The following PHEX variants were observed in gnomAD, a reference collection of about 807,000 sequenced individuals.
PHEX encodes the protein phosphate-regulating neutral endopeptidase PHEX.
PHEX carries 16 observed loss-of-function variants against 68.0 expected under a neutral mutation model. The ratio of observed to expected loss-of-function variants is 0.24; its 90% CI spans 0.16 to 0.36. The LOEUF (loss-of-function observed/expected upper bound fraction) is 0.36. Among genes scored for constraint, PHEX ranks in the 10% least tolerant of loss-of-function variants. The pLI, the probability that PHEX is intolerant of heterozygous loss-of-function variation, is 1.00. For missense variants in PHEX, 480 were observed against 575.5 expected (o/e 0.83, Z 1.70); for synonymous variants, 208 against 205.1 (o/e 1.01, Z -0.12).
chrX:22,088,043 T>C (rs908292876), intron 5 of PHEX, among the ~76,000 whole-genome samples: 1 of 112,075 alleles, frequency 8.9e-6, no homozygotes, highest in African/African-American at 3.2e-5. Context: ...TACCTCATGT[T>C]ATCCCTTTGC....
intron 12 of PHEX, among the ~76,000 whole-genome samples, chrX:22,137,021 A>G (rs1281302142): frequency 2.7e-5 from 3 of 111,975 alleles, no homozygotes; most frequent in Non-Finnish European, 3.8e-5. Flanking sequence ...AGGACAGGGC[A>G]TCTGTTATTT....
chrX:22,040,378 G>A (rs1927218416), intron 2 of PHEX, among the ~76,000 whole-genome samples: 1 of 111,684 alleles, frequency 9.0e-6, no homozygotes, highest in South Asian at 3.7e-4. Context: ...GTGGTGACAC[G>A]TGCCTTTAGT....
rs763522632 is a variant in PHEX at position 22,248,425 on chromosome X, T to G, written c.*472T>G. Reference sequence around the variant, plus strand: ...TGCTCTGTGGAATGCAGTGCACGTTTTTATGGACAGTAATTACACAGCATT... The same window carrying G: ...TGCTCTGTGGAATGCAGTGCACGTTGTTATGGACAGTAATTACACAGCATT... On this transcript the variant is annotated 3_prime_UTR_variant, in exon 22 of 22. Coordinates refer to ENST00000379374, the MANE Select transcript of PHEX (RefSeq NM_000444.6). 9.1e-5 allele frequency: 12 copies of G among 131,162 alleles called. No homozygotes were observed. The highest frequency in any genetic ancestry group is 2.3e-4 in the Admixed American group (3 of 12,804). 10.8% of individuals were successfully genotyped at this position (131,162 alleles called of 1,213,427 possible). A position where few individuals can be genotyped will look rare whatever the true frequency, so the allele number is the denominator to read the frequency against.
At chrX:22,229,890 A>T (rs112689150) in intron 20 of PHEX, among the ~76,000 whole-genome samples, 35,489 of 110,955 alleles carry the variant, frequency 0.32, 4,296 homozygotes, top group Middle Eastern at 0.39. Context: ...AGTTTGTTTA[A>T]GTCTTTAATC....
chrX:22,090,547 C>A, intron 6 of PHEX, 50 bp downstream of exon 6: 1 of 889,431 alleles, frequency 1.1e-6, no homozygotes, highest in Non-Finnish European at 1.7e-6. Context: ...TGCTGTCAGG[C>A]CCATTAGTTC....
rs576693446 is a variant in PHEX at position 22,151,997 on chromosome X, T to C, written c.1405-16315T>C. ...GTCTTGGCATGTTGAATATGGTTAC[T>C]AATGCAGATGTGGTCTGTGCCTTAC... is the stretch of plus-strand genomic sequence containing the variant. On this transcript the variant is annotated intron_variant, in intron 12 of 21. Transcript: ENST00000379374. Among the ~76,000 whole-genome samples the C allele has an allele frequency of 8.0e-5, 9 of 112,465 alleles. No homozygotes were observed. In the South Asian group the frequency reaches 2.6e-3, roughly 33 times the overall value.
intron 20 of PHEX, among the ~76,000 whole-genome samples, chrX:22,233,724 A>T (rs1031103687): frequency 9.0e-6 from 1 of 111,380 alleles, no homozygotes; most frequent in African/African-American, 3.3e-5. Flanking sequence ...CCTGTTTTCA[A>T]GGTTCTTAGC....
chrX:22,235,767 T>G (rs1013939762), intron 20 of PHEX, among the ~76,000 whole-genome samples: 2 of 109,097 alleles, frequency 1.8e-5, no homozygotes, highest in African/African-American at 7.1e-5. Flanking sequence ...ATAGGCATAA[T>G]CTTAATAAAT....
Position 22,143,121 on chromosome X carries a change from A to T in PHEX, c.1404+9497A>T, listed in dbSNP as rs189343875. Among the ~76,000 whole-genome samples the T allele has an allele frequency of 4.2e-3, 469 of 111,555 alleles. 5 individuals carry two copies. The highest frequency in any genetic ancestry group is 0.014 in the African/African-American group (442 of 30,681). Reference sequence around the variant, plus strand: ...CTCCCTTAGCTTCTCATCCTTAAACATTTTTTTTAATTGAGGTAAAATTCA... The same window carrying T: ...CTCCCTTAGCTTCTCATCCTTAAACTTTTTTTTTAATTGAGGTAAAATTCA... On this transcript the variant is annotated intron_variant, in intron 12 of 21. Transcript: ENST00000379374.
chrX:22,145,871 GCTAT>G (rs954758781), intron 12 of PHEX, among the ~76,000 whole-genome samples: 8 of 112,242 alleles, frequency 7.1e-5, no homozygotes, highest in African/African-American at 2.6e-4. Context: ...AGCATAAATG[GCTAT>G]CTTTCTCTTG....
rs142216764 is a variant in PHEX at position 22,123,756 on chromosome X, C to T, written c.1302+9170C>T. On this transcript the variant is annotated intron_variant, in intron 11 of 21. Coordinates refer to ENST00000379374, the MANE Select transcript of PHEX (RefSeq NM_000444.6). ...TTCCAGAACCCACCCTATCATTTAA[C>T]GCCAAGTCTGGCTCATACAAGAGTC... Among the ~76,000 whole-genome samples, 480 of 110,575 alleles carry T rather than the reference C, an allele frequency of 4.3e-3. 1 individual carries two copies. Among genetic ancestry groups the T allele is most frequent in the Middle Eastern group, 9.3e-3 (2 of 214 alleles).
intron 11 of PHEX, among the ~76,000 whole-genome samples, chrX:22,118,999 G>T (rs111560173): frequency 1.4e-3 from 152 of 112,362 alleles, no homozygotes; most frequent in Non-Finnish European, 2.5e-3. Flanking sequence ...GAGATTGGCT[G>T]CAAGTGTTGC....
chrX:22,092,590 C>T, intron 6 of PHEX, among the ~76,000 whole-genome samples: 1 of 109,744 alleles, frequency 9.1e-6, no homozygotes, highest in East Asian at 2.9e-4. Flanking sequence ...CCAGGCTGGT[C>T]CCAAACTCCT....
chrX:22,130,548 C>CAAA lies in PHEX; in HGVS notation c.1303-2953_1303-2951dup, dbSNP rs35621431. ...TGGGCGACACAGTCAGACTCATTCTCAAAAAAAAAAAAAAAAAAAAAAAAC... is the reference window on the plus strand; with the variant it reads ...TGGGCGACACAGTCAGACTCATTCTCAAAAAAAAAAAAAAAAAAAAAAAAAAAC... On this transcript the variant is annotated intron_variant, in intron 11 of 21. Coordinates refer to ENST00000379374, the MANE Select transcript of PHEX (RefSeq NM_000444.6). 9.7e-3 allele frequency among the ~76,000 whole-genome samples: 293 copies of CAAA among 30,147 alleles called. 6 individuals carry two copies. The highest frequency in any genetic ancestry group is 0.071 in the East Asian group (74 of 1,049). 26.2% of individuals were successfully genotyped at this position (30,147 alleles called of 115,157 possible). A position where few individuals can be genotyped will look rare whatever the true frequency, so the allele number is the denominator to read the frequency against.
chrX:22,064,006 G>A (rs778028495), intron 3 of PHEX, among the ~76,000 whole-genome samples: 1 of 112,528 alleles, frequency 8.9e-6, no homozygotes, highest in African/African-American at 3.2e-5. Flanking sequence ...CAAAAATATT[G>A]TCAACTGTAA....
At chrX:22,098,877 G>A in intron 8 of PHEX, 129 bp from the exon 9 acceptor site, 2 of 422,267 alleles carry the variant, frequency 4.7e-6, no homozygotes, top group Non-Finnish European at 8.5e-6. Context: ...CTAGACTTGA[G>A]TAGTTGCATC....
chrX:22,229,541 T>C lies in PHEX; in HGVS notation c.2070+1930T>C, dbSNP rs1418414999. ...ATGTTTGTTGGCTGCATAAATGTCTTCTTTTGAGAAATGTCTGTTCGTAGC... is the reference window on the plus strand; with the variant it reads ...ATGTTTGTTGGCTGCATAAATGTCTCCTTTTGAGAAATGTCTGTTCGTAGC... On this transcript the variant is annotated intron_variant, in intron 20 of 21. Coordinates refer to ENST00000379374, the MANE Select transcript of PHEX (RefSeq NM_000444.6). Among the ~76,000 whole-genome samples the C allele has an allele frequency of 7.1e-5, 8 of 112,830 alleles. No individual in the cohort carries two copies. The East Asian group carries it at 1.7e-3, about 23-fold the overall frequency.
At chrX:22,130,548 C>CAAAAAAAAAAAAAAAAA (rs35621431) in intron 11 of PHEX, among the ~76,000 whole-genome samples, 1 of 30,184 alleles carries the variant, frequency 3.3e-5, no homozygotes, top group Non-Finnish European at 6.7e-5. Context: ...GACTCATTCT[C>CAAAAAAAAAAAAAAAAA]AAAAAAAAAA....
intron 20 of PHEX, among the ~76,000 whole-genome samples, chrX:22,245,130 A>G (rs940217019): frequency 3.6e-5 from 4 of 112,324 alleles, no homozygotes; most frequent in African/African-American, 1.3e-4. Context: ...AAATTGTGAA[A>G]TTATTCACAT....
Sources: allele counts gnomAD v4.1 joint callset (sites outside exome capture counted in the v4.1 genomes callset), GRCh38; gene constraint gnomAD v4.1.1; transcripts MANE v1.5; gene names NCBI Gene and HGNC (gene_info 2026-07-23, HGNC 2026-07-21).